The following ATP11B variants were observed in gnomAD, a reference collection of about 807,000 sequenced individuals.
ATP11B encodes phospholipid-transporting ATPase IF.
A neutral mutation model predicts 157.8 loss-of-function variants in ATP11B; 81 were observed. The observed-to-expected ratio is 0.51, with a 90% CI of 0.43 to 0.62. The LOEUF (loss-of-function observed/expected upper bound fraction) is 0.62, where lower values mean the gene tolerates loss of function less well. Ranked by LOEUF, ATP11B falls within the 20% of genes least tolerant of loss-of-function variation. The pLI, the probability that ATP11B is intolerant of heterozygous loss-of-function variation, is 0.00. For synonymous variants in ATP11B, 451 were observed against 469.4 expected, an observed-to-expected ratio of 0.96 and a Z score of 0.51; for missense variants, 1,165 against 1,402.2, an observed-to-expected ratio of 0.83 and a Z score of 2.70.
rs958376412 is a variant in ATP11B at position 182,902,495 on chromosome 3, A to T, written c.3318+3723A>T. On this transcript the variant is annotated intron_variant, in intron 28 of 29. Transcript: ENST00000323116. Reference sequence around the variant, plus strand: ...TCCACTTATAGATGTACTCCAACACAGTTGCTTTAAGTGACGAGTTCATCG... The same window carrying T: ...TCCACTTATAGATGTACTCCAACACTGTTGCTTTAAGTGACGAGTTCATCG... 4 of 1,289,336 alleles carry T rather than the reference A, an allele frequency of 3.1e-6. No individual in the cohort carries two copies. The African/African-American group carries it at 4.6e-5, about 15-fold the overall frequency. The allele number at this position is 1,289,336 out of a possible 1,614,324, so 79.9% of individuals were successfully genotyped here.
intron 1 of ATP11B, among the ~76,000 whole-genome samples, chr3:182,813,002 A>G (rs754683906): frequency 1.3e-5 from 2 of 152,218 alleles, no homozygotes; most frequent in Admixed American, 1.3e-4. Flanking sequence ...TTTACTTAGC[A>G]TAATGTCCTT....
At chr3:182,870,614 T>G (rs1343072338) in intron 17 of ATP11B, among the ~76,000 whole-genome samples, 1 of 152,238 alleles carries the variant, frequency 6.6e-6, no homozygotes, top group African/African-American at 2.4e-5. Context: ...TTTTAACTAT[T>G]AATTAAAAGA....
intron 3 of ATP11B, 84 bp from the exon 4 acceptor site, chr3:182,829,588 G>A (rs1029947306): frequency 4.3e-6 from 4 of 940,236 alleles, no homozygotes; most frequent in Non-Finnish European, 6.5e-6. Flanking sequence ...TATACTCACT[G>A]TGTAATGTGA....
intron 19 of ATP11B, among the ~76,000 whole-genome samples, chr3:182,875,602 C>T (rs1264408837): frequency 6.6e-6 from 1 of 152,110 alleles, no homozygotes; most frequent in Non-Finnish European, 1.5e-5. Context: ...CCACCGTGCC[C>T]AGCTAATTTT....
rs750516676 is a variant in ATP11B at position 182,829,784 on chromosome 3, C to CT, written c.315+33dup. ...AATACTTTCTTTTTTTAATTTTCCT[C>CT]TAAGTCATTTAGAAGTTGCTAAATA... On this transcript the variant is annotated intron_variant, in intron 4 of 29. Transcript: ENST00000323116. 9.9e-6 allele frequency: 15 copies of CT among 1,508,506 alleles called. No homozygotes were observed. In the South Asian group the frequency reaches 1.8e-4, roughly 19 times the overall value. 93.4% of individuals were successfully genotyped at this position (1,508,506 alleles called of 1,614,324 possible). A position where few individuals can be genotyped will look rare whatever the true frequency, so the allele number is the denominator to read the frequency against.
At chr3:182,856,200 C>A (rs1466912497) in intron 10 of ATP11B, among the ~76,000 whole-genome samples, 1 of 152,104 alleles carries the variant, frequency 6.6e-6, no homozygotes, top group African/African-American at 2.4e-5. Flanking sequence ...AGATGTAATT[C>A]CATCTCTTTT....
chr3:182,823,058 G>A lies in ATP11B; in HGVS notation c.144+2682G>A, dbSNP rs1460213491. Among the ~76,000 whole-genome samples, 4 of 152,332 alleles carry A rather than the reference G, an allele frequency of 2.6e-5. No individual in the cohort carries two copies. In the East Asian group the frequency reaches 7.7e-4, roughly 29 times the overall value. On this transcript the variant is annotated intron_variant, in intron 2 of 29. Coordinates refer to ENST00000323116, the MANE Select transcript of ATP11B (RefSeq NM_014616.3). ...GATTGTAAAAATTTTCTCCCATTCT[G>A]TAGGTTGCCTGTTCACTCTGATGGC... is the stretch of plus-strand genomic sequence containing the variant.
intron 1 of ATP11B, among the ~76,000 whole-genome samples, chr3:182,813,396 G>GTGTTT (rs915301629): frequency 2.3e-4 from 35 of 152,210 alleles, no homozygotes; most frequent in African/African-American, 4.3e-4. Context: ...GTTTTGTGGG[G>GTGTTT]TGTTTTGTTT....
chr3:182,801,845 T>C (rs1461377928), intron 1 of ATP11B, among the ~76,000 whole-genome samples: 1 of 152,226 alleles, frequency 6.6e-6, no homozygotes, highest in East Asian at 1.9e-4. Context: ...TTCAGTTATA[T>C]TAATAATAAA....
At position 182,920,445 on chromosome 3, in the gene ATP11B, A is replaced by AAAC. The variant is rs760296059; in HGVS notation, c.*2342_*2344dup. 34 of 152,292 alleles carry AAAC rather than the reference A, an allele frequency of 2.2e-4. No individual in the cohort carries two copies. The highest frequency in any genetic ancestry group is 3.8e-4 in the Non-Finnish European group (26 of 68,018). 9.4% of individuals were successfully genotyped at this position (152,292 alleles called of 1,614,324 possible). Reference sequence around the variant, plus strand: ...TTTCTAGTGCTATATTCATCCTGTAAAACTCTTACTACGTAACCAGTAATC... The same window carrying AAAC: ...TTTCTAGTGCTATATTCATCCTGTAAAACAACTCTTACTACGTAACCAGTAATC... On this transcript the variant is annotated 3_prime_UTR_variant, in exon 30 of 30. Coordinates refer to ENST00000323116, the MANE Select transcript of ATP11B (RefSeq NM_014616.3).
chr3:182,835,378 T>C (rs1399195212), intron 4 of ATP11B, among the ~76,000 whole-genome samples: 2 of 152,230 alleles, frequency 1.3e-5, no homozygotes, highest in Non-Finnish European at 2.9e-5. Flanking sequence ...ATTTATACTT[T>C]ATGATTAAAA....
At chr3:182,836,588 AT>A (rs1229565676) in intron 6 of ATP11B, 118 bp downstream of exon 6, 1 of 1,178,652 alleles carries the variant, frequency 8.5e-7, no homozygotes, top group African/African-American at 1.6e-5. Flanking sequence ...AGTTTTTAAA[AT>A]TACTATTTCA....
Position 182,918,345 on chromosome 3 carries a change from G to C in ATP11B, c.*241G>C, listed in dbSNP as rs1484094624. The C allele has an allele frequency of 2.1e-6, 1 of 486,886 alleles. No homozygotes were observed. The highest frequency in any genetic ancestry group is 3.4e-6 in the Non-Finnish European group (1 of 292,950). The allele number at this position is 486,886 out of a possible 1,614,324, so 30.2% of individuals were successfully genotyped here. The stretch of plus-strand genomic sequence containing the variant: ...ATAAAGAGACATTTTTCATCTCTTT[G>C]TCTGGTTTGTCCCTTGTGCTTATGG... On this transcript the variant is annotated 3_prime_UTR_variant, in exon 30 of 30. Coordinates refer to ENST00000323116, the MANE Select transcript of ATP11B (RefSeq NM_014616.3).
At chr3:182,865,727 G>A (rs1215680894) in intron 13 of ATP11B, 29 bp downstream of exon 13, 2 of 1,550,646 alleles carry the variant, frequency 1.3e-6, no homozygotes, top group South Asian at 1.2e-5. Context: ...AATAAATAAG[G>A]GTTTCATATG....
At chr3:182,867,188 T>C (rs9853665) in intron 14 of ATP11B, among the ~76,000 whole-genome samples, 188 bp from the exon 15 acceptor site, 108,926 of 151,968 alleles carry the variant, frequency 0.72, 39,522 homozygotes, top group Non-Finnish European at 0.78. Flanking sequence ...TTTGGCCTCC[T>C]GAAGTGCTGG....
chr3:182,857,700 TAATA>T (rs1465512042), intron 10 of ATP11B, among the ~76,000 whole-genome samples, 174 bp from the exon 11 acceptor site: 1 of 152,178 alleles, frequency 6.6e-6, no homozygotes, highest in African/African-American at 2.4e-5. Context: ...CTTTTATTGC[TAATA>T]AATAAATTCT....
Position 182,837,091 on chromosome 3 carries a change from A to G in ATP11B, c.573A>G (p.Glu191=), listed in dbSNP as rs763120046. The G allele has an allele frequency of 6.2e-7, 1 of 1,613,150 alleles. No individual in the cohort carries two copies. Among genetic ancestry groups the G allele is most frequent in the Non-Finnish European group, 8.5e-7 (1 of 1,179,490 alleles). Residue 191 remains glutamate (E), a synonymous_variant, in exon 7 of 30, where the codon GAA becomes GAG. Coordinates refer to ENST00000323116, the MANE Select transcript of ATP11B (RefSeq NM_014616.3). ...TTCAGACACATGTGGCAGTTCCAGAAACAGCATTATTACAAACAGTTGCCA... is the reference window on the plus strand; with the variant it reads ...TTCAGACACATGTGGCAGTTCCAGAGACAGCATTATTACAAACAGTTGCCA... ...TNLKTHVAVP[E]TALLQTVANL...
chr3:182,865,693 G>T lies in ATP11B; in HGVS notation c.1438G>T (p.Glu480Ter). The T allele has an allele frequency of 6.2e-7, 1 of 1,603,918 alleles. No individual in the cohort carries two copies. The highest frequency in any genetic ancestry group is 1.1e-5 in the South Asian group (1 of 88,850). The stretch of plus-strand genomic sequence containing the variant: ...CAGAACCAGTCCTGAAAATGAAACT[G>T]AACTAGTAAGTAATTTTTAAATTAA... ...SFRTSPENET[E>*]LIKEHDLFFK... is the part of the protein sequence containing the mutation. The change falls in exon 13 of 30, where the codon GAA (glutamate) becomes TAA (stop). Residue 480 changes from glutamate (E) to a stop codon, truncating the protein, a stop_gained. Coordinates refer to ENST00000323116, the MANE Select transcript of ATP11B (RefSeq NM_014616.3). LOFTEE classifies it high-confidence loss of function.
intron 1 of ATP11B, among the ~76,000 whole-genome samples, chr3:182,805,062 T>C (rs1210414568): frequency 1.3e-5 from 2 of 152,224 alleles, no homozygotes; most frequent in Non-Finnish European, 2.9e-5. Context: ...GCCTTCTGGG[T>C]ATTAGAAATA....
Sources: allele counts gnomAD v4.1 joint callset (sites outside exome capture counted in the v4.1 genomes callset), GRCh38; gene constraint gnomAD v4.1.1; transcripts MANE v1.5; gene names NCBI Gene and HGNC (gene_info 2026-07-23, HGNC 2026-07-21).